The following ADGRL3 variants were observed in gnomAD, a reference collection of about 807,000 sequenced individuals.
ADGRL3 encodes the protein adhesion G protein-coupled receptor L3.
In ADGRL3, 62 loss-of-function variants were observed where a neutral mutation model predicts 153.5. The ratio of observed to expected loss-of-function variants is 0.40; its 90% confidence interval spans 0.33 to 0.50. The LOEUF (loss-of-function observed/expected upper bound fraction) is 0.50, where lower values mean the gene tolerates loss of function less well. ADGRL3 is among the 20% of genes least tolerant of loss of function. The pLI is 0.47. For synonymous variants in ADGRL3, 710 were observed against 672.5 expected, an observed-to-expected ratio of 1.06 and a Z score of -0.86; for missense variants, 1,641 against 1,859.4, an observed-to-expected ratio of 0.88 and a Z score of 2.16.
At chr4:62,029,845 A>G (rs1279957792) in intron 22 of ADGRL3, among the ~76,000 whole-genome samples, 1 of 151,340 alleles carries the variant, frequency 6.6e-6, no homozygotes, top group Non-Finnish European at 1.5e-5. Context: ...AAATGGCAAT[A>G]TTGCCTTGAT....
intron 2 of ADGRL3, among the ~76,000 whole-genome samples, chr4:61,462,696 T>G (rs1422165020): frequency 6.6e-6 from 1 of 152,216 alleles, no homozygotes; most frequent in Non-Finnish European, 1.5e-5. Context: ...AGAAGACTTA[T>G]GAAAAGTTAT....
At chr4:61,410,667 C>T (rs2097075540) in intron 2 of ADGRL3, among the ~76,000 whole-genome samples, 1 of 152,136 alleles carries the variant, frequency 6.6e-6, no homozygotes, top group Non-Finnish European at 1.5e-5. Flanking sequence ...CAAGTGATTC[C>T]AACTTCTGTG....
intron 4 of ADGRL3, among the ~76,000 whole-genome samples, chr4:61,556,729 A>C (rs2098768847): frequency 6.6e-6 from 1 of 152,336 alleles, no homozygotes; most frequent in South Asian, 2.1e-4. Context: ...TGGATGTAAA[A>C]TGATAAAAGG....
chr4:61,253,041 C>G (rs2091607076), intron 1 of ADGRL3, among the ~76,000 whole-genome samples: 2 of 152,098 alleles, frequency 1.3e-5, no homozygotes, highest in Admixed American at 6.6e-5. Flanking sequence ...ATGAGTAGCT[C>G]TAATGGTTAA....
intron 10 of ADGRL3, among the ~76,000 whole-genome samples, chr4:61,893,264 T>C (rs913072060): frequency 4.6e-5 from 7 of 152,258 alleles, no homozygotes; most frequent in Admixed American, 4.6e-4. Flanking sequence ...TTTGAAAATG[T>C]AACCTGATTA....
In ADGRL3 at chr4:61,808,908, GTTA is replaced by G. The variant is rs202158654; in HGVS notation, c.1400-4895_1400-4893del. 6.8e-3 allele frequency among the ~76,000 whole-genome samples: 1,032 copies of G among 151,714 alleles called. 11 individuals are homozygous for G. Among genetic ancestry groups the G allele is most frequent in the African/African-American group, 0.024 (972 of 41,318 alleles). ...GTGGGTTCCCTCTTCCCCACATGGA[GTTA>G]TTATTGTAGTAGAGCAGAGAGATAT... On this transcript the variant is annotated intron_variant, in intron 8 of 26. Coordinates refer to ENST00000683033, the MANE Select transcript of ADGRL3 (RefSeq NM_001387552.1).
intron 4 of ADGRL3, among the ~76,000 whole-genome samples, chr4:61,542,024 T>G (rs544296067): frequency 6.6e-6 from 1 of 152,286 alleles, no homozygotes; most frequent in Admixed American, 6.5e-5. Flanking sequence ...TTATTAGAAT[T>G]AGTTCAAGAG....
At chr4:61,568,687 T>C (rs1477445662) in intron 4 of ADGRL3, among the ~76,000 whole-genome samples, 1 of 152,174 alleles carries the variant, frequency 6.6e-6, no homozygotes, top group East Asian at 1.9e-4. Flanking sequence ...GGTCTTTTTT[T>C]CAGTCTTCAT....
At chr4:61,344,125 G>T (rs2095855682) in intron 1 of ADGRL3, among the ~76,000 whole-genome samples, 1 of 152,196 alleles carries the variant, frequency 6.6e-6, no homozygotes, top group Non-Finnish European at 1.5e-5. Context: ...ATGTGAGATA[G>T]AAAGAGAGAA....
At chr4:61,513,733 A>C (rs2098476090) in intron 3 of ADGRL3, among the ~76,000 whole-genome samples, 3 of 152,290 alleles carry the variant, frequency 2.0e-5, no homozygotes, top group African/African-American at 4.8e-5. Context: ...AAAACAAATA[A>C]AAATAGAAAA....
rs549624496 is a variant in ADGRL3, at chr4:62,063,152, G to A, written c.3815-5014G>A. Among the ~76,000 whole-genome samples, 3 of 151,694 alleles carry A rather than the reference G, an allele frequency of 2.0e-5. No homozygotes were observed. The South Asian group carries it at 6.2e-4, about 31-fold the overall frequency. ...TAAACTTTTTTTTGGCTTTTGTTTT[G>A]TGTTTTGTGTTTTGTTTGTATGAAT... On this transcript the variant is annotated intron_variant, in intron 25 of 26. Transcript: ENST00000683033.
At chr4:62,064,378 A>G (rs1157754438) in intron 25 of ADGRL3, among the ~76,000 whole-genome samples, 1 of 151,952 alleles carries the variant, frequency 6.6e-6, no homozygotes, top group Non-Finnish European at 1.5e-5. Context: ...AACCACTTAC[A>G]ATGTAAGCAT....
chr4:61,649,816 A>T lies in ADGRL3; in HGVS notation c.474-27010A>T, dbSNP rs527407976. On this transcript the variant is annotated intron_variant, in intron 5 of 26. Coordinates refer to ENST00000683033, the MANE Select transcript of ADGRL3 (RefSeq NM_001387552.1). ...ATTTTCTGTATCAGTTATTACCTCT[A>T]CAAAATATTGACCTGCAAAAATGTG... Among the ~76,000 whole-genome samples the T allele has an allele frequency of 1.4e-4, 21 of 152,290 alleles. No homozygotes were observed. In the South Asian group the frequency reaches 4.4e-3, roughly 32 times the overall value.
At chr4:61,650,998 T>A (rs1247479060) in intron 5 of ADGRL3, among the ~76,000 whole-genome samples, 1 of 152,132 alleles carries the variant, frequency 6.6e-6, no homozygotes, top group East Asian at 1.9e-4. Flanking sequence ...TAGTAAGGAA[T>A]CAAGGAAATG....
intron 2 of ADGRL3, among the ~76,000 whole-genome samples, chr4:61,451,910 G>T: frequency 6.6e-6 from 1 of 152,038 alleles, no homozygotes; most frequent in East Asian, 1.9e-4. Flanking sequence ...CCAGATAAAG[G>T]GCTTTTGCTA....
intron 1 of ADGRL3, among the ~76,000 whole-genome samples, chr4:61,213,209 C>T (rs1405297347): frequency 6.6e-6 from 1 of 152,122 alleles, no homozygotes; most frequent in Non-Finnish European, 1.5e-5. Context: ...GTATGAGGGA[C>T]TCATAGTATC....
chr4:61,668,465 C>T (rs565297851), intron 5 of ADGRL3, among the ~76,000 whole-genome samples: 6 of 152,248 alleles, frequency 3.9e-5, no homozygotes, highest in Admixed American at 2.0e-4. Flanking sequence ...ACAGAAAAAA[C>T]GAATACAATA....
At chr4:62,013,691 C>A (rs866676862) in intron 21 of ADGRL3, among the ~76,000 whole-genome samples, 1 of 151,886 alleles carries the variant, frequency 6.6e-6, no homozygotes, top group Non-Finnish European at 1.5e-5. Context: ...AGGTCGAGAT[C>A]ATTCTGGCCA....
chr4:61,395,143 A>C (rs1196275239), intron 2 of ADGRL3, among the ~76,000 whole-genome samples: 2 of 152,006 alleles, frequency 1.3e-5, no homozygotes, highest in Non-Finnish European at 1.5e-5. Context: ...TTGGATTGTC[A>C]GTTCCGGGAC....
Sources: allele counts gnomAD v4.1 joint callset (sites outside exome capture counted in the v4.1 genomes callset), GRCh38; gene constraint gnomAD v4.1.1; transcripts MANE v1.5; gene names NCBI Gene and HGNC (gene_info 2026-07-23, HGNC 2026-07-21).